The following BNC2 variants were observed in gnomAD, a reference collection of about 807,000 sequenced individuals.
BNC2 encodes basonuclin zinc finger protein 2, also known as zinc finger protein basonuclin-2.
A neutral mutation model predicts 76.3 loss-of-function variants in BNC2; 20 were observed. That is an observed-to-expected ratio of 0.26 (90% CI 0.18 to 0.38). The LOEUF (loss-of-function observed/expected upper bound fraction) is 0.38, where lower values mean the gene tolerates loss of function less well. Among genes scored for constraint, BNC2 ranks in the 10% least tolerant of loss-of-function variants. BNC2 has a pLI of 1.00. For synonymous variants in BNC2, 582 were observed against 514.8 expected (o/e 1.13, Z -1.77); for missense variants, 1,382 against 1,399.8 (o/e 0.99, Z 0.20).
intron 5 of BNC2, among the ~76,000 whole-genome samples, chr9:16,470,281 G>C (rs1821795184): frequency 6.6e-6 from 1 of 152,124 alleles, no homozygotes; most frequent in Non-Finnish European, 1.5e-5. Context: ...ACAGGCATGA[G>C]CCACCATGCC....
chr9:16,655,090 C>T lies in BNC2; in HGVS notation c.331-72005G>A, dbSNP rs996110632. Among the ~76,000 whole-genome samples the T allele has an allele frequency of 2.0e-5, 3 of 151,698 alleles. No homozygotes were observed. The East Asian group carries it at 5.8e-4, about 29-fold the overall frequency. On this transcript the variant is annotated intron_variant, in intron 3 of 6. Transcript: ENST00000380672. ...TTAAAAGGGGTCTCACTCACATACA[C>T]CTCTGCAGACAGACTAGGCCACGAG...
At chr9:16,665,424 GAAAGGAA>G in intron 3 of BNC2, among the ~76,000 whole-genome samples, 2 of 118,544 alleles carry the variant, frequency 1.7e-5, no homozygotes, top group African/African-American at 3.1e-5. Context: ...AGAAAGGAAA[GAAAGGAA>G]AGAAAAGAAA....
chr9:16,676,817 G>C (rs1042894122), intron 3 of BNC2, among the ~76,000 whole-genome samples: 2 of 152,182 alleles, frequency 1.3e-5, no homozygotes, highest in African/African-American at 4.8e-5. Context: ...GCAAGTTCAT[G>C]AACTGTTTTT....
intron 3 of BNC2, among the ~76,000 whole-genome samples, chr9:16,643,583 C>T (rs982904917): frequency 6.6e-6 from 1 of 151,998 alleles, no homozygotes; most frequent in African/African-American, 2.4e-5. Context: ...AGGAGCTGCA[C>T]CATATATGAT....
Position 16,436,180 on chromosome 9 carries a change from G to A in BNC2, c.2014C>T (p.His672Tyr). The change falls in exon 6 of 7, where the codon CAT (histidine) becomes TAT (tyrosine). Residue 672 changes from histidine to tyrosine, a missense_variant. His to Tyr is a moderately conservative substitution (Grantham distance 83). This residue lies in a region of BNC2 where 798 missense variants were observed against 775.5 expected (regional missense o/e 1.03). Transcript: ENST00000380672. ...TCTTGGGAGTGACAATGATTGTCAT[G>A]GCTCATGTCATTGACCACAGCTCCA... ...DGGAVVNDMS[H>Y]DNHCHSQEEM... The A allele has an allele frequency of 6.2e-7, 1 of 1,614,178 alleles. No homozygotes were observed. The highest frequency in any genetic ancestry group is 1.3e-5 in the African/African-American group (1 of 75,034).
chr9:16,838,325 CG>C (rs1563965228), intron 1 of BNC2, among the ~76,000 whole-genome samples: 1 of 152,128 alleles, frequency 6.6e-6, no homozygotes. Flanking sequence ...GAGGCCAAGG[CG>C]GGCGGATCAC....
chr9:16,459,623 A>AC (rs1349044413), intron 5 of BNC2, among the ~76,000 whole-genome samples: 7 of 152,132 alleles, frequency 4.6e-5, no homozygotes, highest in African/African-American at 1.7e-4. Context: ...GGCCTGAGGC[A>AC]CCCACACACA....
intron 3 of BNC2, among the ~76,000 whole-genome samples, chr9:16,635,010 T>C (rs1821282063): frequency 1.3e-5 from 2 of 152,180 alleles, no homozygotes; most frequent in Admixed American, 1.3e-4. Context: ...TCTGTATAAA[T>C]TACATACCGT....
At chr9:16,471,903 T>C (rs551545816) in intron 5 of BNC2, among the ~76,000 whole-genome samples, 27 of 152,256 alleles carry the variant, frequency 1.8e-4, no homozygotes, top group Non-Finnish European at 2.9e-4. Context: ...GTGCTATTCT[T>C]GCAATAGTGA....
At chr9:16,433,183 T>C (rs1820940002) in intron 6 of BNC2, among the ~76,000 whole-genome samples, 1 of 152,204 alleles carries the variant, frequency 6.6e-6, no homozygotes, top group African/African-American at 2.4e-5. Context: ...TAAGAAAATA[T>C]AATGTCAAAA....
At chr9:16,769,612 C>T (rs1305967311) in intron 1 of BNC2, among the ~76,000 whole-genome samples, 2 of 152,168 alleles carry the variant, frequency 1.3e-5, no homozygotes, top group African/African-American at 4.8e-5. Context: ...TGAGACCAGG[C>T]TTGGATCTAA....
intron 5 of BNC2, among the ~76,000 whole-genome samples, chr9:16,518,199 C>T (rs577092682): frequency 2.7e-4 from 41 of 152,192 alleles, no homozygotes; most frequent in Admixed American, 2.1e-3. Context: ...GAGGCCAAGG[C>T]GGGAGGATCA....
chr9:16,839,519 T>A (rs1818778218), intron 1 of BNC2, among the ~76,000 whole-genome samples: 1 of 152,218 alleles, frequency 6.6e-6, no homozygotes, highest in African/African-American at 2.4e-5. Context: ...ATTACCTATC[T>A]GAAAGGACCT....
intron 1 of BNC2, among the ~76,000 whole-genome samples, chr9:16,834,787 G>C (rs937569912): frequency 1.3e-5 from 2 of 151,982 alleles, no homozygotes; most frequent in Non-Finnish European, 2.9e-5. Flanking sequence ...TCAACAAAGA[G>C]TTTTTAAATA....
intron 1 of BNC2, among the ~76,000 whole-genome samples, chr9:16,835,906 T>C (rs550587274): frequency 5.3e-5 from 8 of 152,178 alleles, no homozygotes; most frequent in Non-Finnish European, 1.0e-4. Context: ...CTTGCTCTAA[T>C]AGGATAAATC....
chr9:16,750,682 A>G (rs1296077249), intron 1 of BNC2, among the ~76,000 whole-genome samples: 2 of 152,206 alleles, frequency 1.3e-5, no homozygotes, highest in African/African-American at 4.8e-5. Flanking sequence ...ACCGTAACAC[A>G]TTCTTGCCAA....
chr9:16,697,321 G>C (rs1823367911), intron 3 of BNC2, among the ~76,000 whole-genome samples: 1 of 151,924 alleles, frequency 6.6e-6, no homozygotes, highest in South Asian at 2.1e-4. Flanking sequence ...CTCCAACCTA[G>C]GTGACAGAGC....
intron 3 of BNC2, among the ~76,000 whole-genome samples, chr9:16,677,903 A>AC (rs1319723400): frequency 6.6e-6 from 1 of 152,322 alleles, no homozygotes; most frequent in East Asian, 1.9e-4. Context: ...TAAAAATGTA[A>AC]CCTAAATTTT....
chr9:16,621,765 T>C (rs1487284347), intron 3 of BNC2, among the ~76,000 whole-genome samples: 2 of 152,126 alleles, frequency 1.3e-5, no homozygotes, highest in East Asian at 3.9e-4. Flanking sequence ...TGAGATGTGC[T>C]GAAAGTGTAA....
Sources: allele counts gnomAD v4.1 joint callset (sites outside exome capture counted in the v4.1 genomes callset), GRCh38; gene constraint gnomAD v4.1.1; regional missense constraint gnomAD v4.1.1; transcripts MANE v1.5; gene names NCBI Gene and HGNC (gene_info 2026-07-23, HGNC 2026-07-21).